The following SUPT5H variants were observed in gnomAD, a reference collection of about 807,000 sequenced individuals.
SUPT5H encodes SPT5 homolog, DSIF elongation factor subunit.
A neutral mutation model predicts 142.5 loss-of-function variants in SUPT5H; 24 were observed. That is an observed-to-expected ratio of 0.17 (90% CI 0.12 to 0.24). The LOEUF (loss-of-function observed/expected upper bound fraction) is 0.24. SUPT5H is among the 10% of genes least tolerant of loss of function. The pLI, the probability that SUPT5H is intolerant of heterozygous loss-of-function variation, is 1.00. For synonymous variants in SUPT5H, 546 were observed against 553.0 expected (o/e 0.99, Z 0.18); for missense variants, 893 against 1,471.8 (o/e 0.61, Z 6.43).
Position 39,474,260 on chromosome 19 carries a change from A to T in SUPT5H, c.2678A>T (p.Tyr893Phe), listed in dbSNP as rs780846637. The change falls in exon 27 of 30, where the codon TAT becomes TTT. Residue 893 changes from tyrosine to phenylalanine, a missense_variant. By Grantham distance (22) the Tyr-to-Phe change is conservative. Around this residue, in one of 6 missense-constraint regions of SUPT5H, gnomAD observed 336 missense variants for 546.5 expected, o/e 0.61. Transcript: ENST00000432763. This position sits in a 1 kb window ranked among gnomAD's most constrained non-coding sequence, Gnocchi z 6.5. ...AMYNTDQFSPYAAPSPQGSYQ... is the reference protein window; with the variant it reads ...AMYNTDQFSPFAAPSPQGSYQ... ...TACAACACAGACCAGTTCTCTCCCTATGCTGCCCCCTCCCCACAAGGTTCC... is the reference window on the plus strand; with the variant it reads ...TACAACACAGACCAGTTCTCTCCCTTTGCTGCCCCCTCCCCACAAGGTTCC... The T allele has an allele frequency of 1.2e-6, 2 of 1,613,492 alleles. No individual in the cohort carries two copies. Among genetic ancestry groups the T allele is most frequent in the Non-Finnish European group, 1.7e-6 (2 of 1,179,826 alleles).
intron 3 of SUPT5H, among the ~76,000 whole-genome samples, chr19:39,457,135 T>A (rs1384664439): frequency 6.6e-6 from 1 of 152,138 alleles, no homozygotes; most frequent in African/African-American, 2.4e-5. Context: ...CCCAGCTGAG[T>A]CTGTGGGCAA....
At chr19:39,463,718 GT>G (rs1386853430) in intron 10 of SUPT5H, among the ~76,000 whole-genome samples, 1 of 152,144 alleles carries the variant, frequency 6.6e-6, no homozygotes. Flanking sequence ...TTGATCTTGG[GT>G]CTAGCTCTAT....
chr19:39,455,925 C>CTTT (rs34762912), intron 3 of SUPT5H, among the ~76,000 whole-genome samples: 11 of 91,138 alleles, frequency 1.2e-4, no homozygotes, highest in Admixed American at 2.6e-4. Flanking sequence ...CCCGCCTCTT[C>CTTT]TTTTTTTTTT....
chr19:39,468,953 C>T, intron 14 of SUPT5H, 92 bp downstream of exon 14: 1 of 1,549,068 alleles, frequency 6.5e-7, no homozygotes, highest in Non-Finnish European at 8.9e-7. Context: ...GGTTCTGTCC[C>T]ACTCCTCAAG....
At chr19:39,461,563 C>T (rs970845949) in intron 10 of SUPT5H, among the ~76,000 whole-genome samples, 1 of 152,140 alleles carries the variant, frequency 6.6e-6, no homozygotes, top group African/African-American at 2.4e-5. Context: ...TGGCTCACGC[C>T]TGTAATCCCA....
Position 39,476,574 on chromosome 19 carries a change from A to G in SUPT5H, c.*175A>G. On this transcript the variant is annotated 3_prime_UTR_variant, in exon 30 of 30. Transcript: ENST00000432763. ...CCCTGGTGCTCATTGGAATCTGAGT[A>G]GAGTCTGGGGGAGGGTCCCCACCTT... is the stretch of plus-strand genomic sequence containing the variant. 1 of 846,152 alleles carries G rather than the reference A, an allele frequency of 1.2e-6. No homozygotes were observed. Among genetic ancestry groups the G allele is most frequent in the South Asian group, 1.8e-5 (1 of 55,118 alleles). 52.4% of individuals were successfully genotyped at this position (846,152 alleles called of 1,614,324 possible).
At position 39,462,432 on chromosome 19, in the gene SUPT5H, A is replaced by G. The variant is rs184035947; in HGVS notation, c.625-2366A>G. ...ACTATTGGAACTCTGAATGGTTCAT[A>G]CAAAGGGAATCATACAATATGTCGC... On this transcript the variant is annotated intron_variant, in intron 10 of 29. Coordinates refer to ENST00000432763, the MANE Select transcript of SUPT5H (RefSeq NM_001111020.3). 2.7e-3 allele frequency among the ~76,000 whole-genome samples: 411 copies of G among 152,302 alleles called. 1 individual carries two copies. The highest frequency in any genetic ancestry group is 4.5e-3 in the Non-Finnish European group (304 of 68,024).
rs201684544 is a variant in SUPT5H, at chr19:39,474,050, T to A, written c.2580T>A (p.Pro860=). The part of the protein sequence containing the change: ...AYGGTPNPQT[P]GYPDPSSPQV... ...GGGGAACCCCCAATCCCCAAACACC[T>A]GGCTACCCAGACCCCTCGTCCCCAC... Residue 860 remains proline, a synonymous_variant, in exon 26 of 30, where the codon CCT becomes CCA. Coordinates refer to ENST00000432763, the MANE Select transcript of SUPT5H (RefSeq NM_001111020.3). The surrounding 1 kb of genome is among the most constrained non-coding windows in gnomAD (Gnocchi z 6.5). 1.2e-6 allele frequency: 2 copies of A among 1,611,896 alleles called. No homozygotes were observed. Among genetic ancestry groups the A allele is most frequent in the Non-Finnish European group, 1.7e-6 (2 of 1,178,844 alleles).
chr19:39,452,839 C>T (rs1015822960), intron 2 of SUPT5H, among the ~76,000 whole-genome samples: 7 of 151,902 alleles, frequency 4.6e-5, no homozygotes, highest in Non-Finnish European at 7.4e-5. Flanking sequence ...GGTGAAGCCA[C>T]GTGTCTACTA....
rs766297183 is a variant in SUPT5H at position 39,464,881 on chromosome 19, G to A, written c.708G>A (p.Lys236=). Residue 236 remains lysine (K), a synonymous_variant, in exon 11 of 30, where the codon AAG becomes AAA. Coordinates refer to ENST00000432763, the MANE Select transcript of SUPT5H (RefSeq NM_001111020.3). ...AGGCCTACAAGCAGACCCACGTGAA[G>A]CAGGCCATTGAGGGGGTGGGCAACC... ...YVEAYKQTHV[K]QAIEGVGNLR... 5 of 1,614,198 alleles carry A rather than the reference G, an allele frequency of 3.1e-6. No homozygotes were observed. In the Admixed American group the frequency reaches 8.3e-5, roughly 27 times the overall value.
chr19:39,458,972 C>G lies in SUPT5H; in HGVS notation c.390-33C>G. ...CAGCCCACCTGCTGTCCTCAACCTT[C>G]AATTCGTGTTTGCTTCCCCACTCGT... is the stretch of plus-strand genomic sequence containing the variant. On this transcript the variant is annotated intron_variant, in intron 6 of 29. Transcript: ENST00000432763. This position sits in a 1 kb window ranked among gnomAD's most constrained non-coding sequence, Gnocchi z 4.2. 1.9e-6 allele frequency: 3 copies of G among 1,614,092 alleles called. No homozygotes were observed. Among genetic ancestry groups the G allele is most frequent in the Non-Finnish European group, 2.5e-6 (3 of 1,180,012 alleles).
At chr19:39,447,758 TGTTGAACA>T (rs2078971771) in intron 2 of SUPT5H, among the ~76,000 whole-genome samples, 1 of 152,214 alleles carries the variant, frequency 6.6e-6, no homozygotes, top group Admixed American at 6.5e-5. Context: ...TTTATTTGTT[TGTTGAACA>T]AATCAGTGTT....
Position 39,474,858 on chromosome 19 carries a change from T to C in SUPT5H, c.3024+140T>C. ...AGGAAGCCTAGAGGGCAAGGGGAGC[T>C]ATGTGAACCCAAAGGAGGCATCTTA... On this transcript the variant is annotated intron_variant, in intron 28 of 29. Transcript: ENST00000432763. This position sits in a 1 kb window ranked among gnomAD's most constrained non-coding sequence, Gnocchi z 6.5. 3 of 933,758 alleles carry C rather than the reference T, an allele frequency of 3.2e-6. No individual in the cohort carries two copies. Among genetic ancestry groups the C allele is most frequent in the Non-Finnish European group, 3.2e-6 (2 of 624,448 alleles). 57.8% of individuals were successfully genotyped at this position (933,758 alleles called of 1,614,324 possible).
In SUPT5H at chr19:39,473,985, G is replaced by A; in HGVS notation, c.2515G>A (p.Ala839Thr). ...CAGGGCTGAGGAAGAATATGAGTATGCTTTCGATGATGAGCCCACCCCGTC... is the reference window on the plus strand; with the variant it reads ...CAGGGCTGAGGAAGAATATGAGTATACTTTCGATGATGAGCCCACCCCGTC... The part of the protein sequence containing the change: ...PSRAEEEYEY[A>T]FDDEPTPSPQ... Residue 839 changes from alanine to threonine, a missense_variant, in exon 26 of 30, where the codon GCT becomes ACT. This residue lies in a region of SUPT5H where 336 missense variants were observed against 546.5 expected (regional missense o/e 0.61). Transcript: ENST00000432763. The surrounding 1 kb of genome is among the most constrained non-coding windows in gnomAD (Gnocchi z 5.8). The A allele has an allele frequency of 1.2e-6, 2 of 1,613,912 alleles. No individual in the cohort carries two copies. Among genetic ancestry groups the A allele is most frequent in the Non-Finnish European group, 1.7e-6 (2 of 1,179,974 alleles).
chr19:39,469,258 G>A lies in SUPT5H; in HGVS notation c.1238-4G>A, dbSNP rs376211934. 9.5e-5 allele frequency: 153 copies of A among 1,614,102 alleles called. No homozygotes were observed. The highest frequency in any genetic ancestry group is 5.3e-4 in the Admixed American group (32 of 60,004). On this transcript the variant is annotated splice_polypyrimidine_tract_variant and splice_region_variant and intron_variant, in intron 15 of 29. Transcript: ENST00000432763. This position sits in a 1 kb window ranked among gnomAD's most constrained non-coding sequence, Gnocchi z 5.1. ...CCGAGTCAGCCCTACGACTGCCCCT[G>A]CAGGGAAGGAGCGGGAGCACAACTT...
chr19:39,462,528 A>AT (rs1040083180), intron 10 of SUPT5H, among the ~76,000 whole-genome samples: 68 of 150,940 alleles, frequency 4.5e-4, no homozygotes, highest in African/African-American at 7.3e-4. Context: ...TCAAGACTTC[A>AT]TTTTTTTGTT....
Position 39,469,040 on chromosome 19 carries a change from G to A in SUPT5H, c.1144-39G>A, listed in dbSNP as rs946825707. On this transcript the variant is annotated intron_variant, in intron 14 of 29. Coordinates refer to ENST00000432763, the MANE Select transcript of SUPT5H (RefSeq NM_001111020.3). This position sits in a 1 kb window ranked among gnomAD's most constrained non-coding sequence, Gnocchi z 5.1. The stretch of plus-strand genomic sequence containing the variant: ...CAGCTGGGCTGTTGCACTGACCTCG[G>A]TCCATTTCCTTCTCTTCCCCTCACC... The A allele has an allele frequency of 6.2e-7, 1 of 1,612,448 alleles. No individual in the cohort carries two copies.
chr19:39,460,023 G>T (rs2079141326), intron 10 of SUPT5H, 63 bp downstream of exon 10: 1 of 1,559,070 alleles, frequency 6.4e-7, no homozygotes, highest in Admixed American at 1.7e-5. Context: ...GAAGAACATT[G>T]TCAACTTCAG....
chr19:39,466,512 C>T lies in SUPT5H; in HGVS notation c.909C>T (p.Ile303=), dbSNP rs779380491. The T allele has an allele frequency of 6.2e-7, 1 of 1,614,162 alleles. No homozygotes were observed. Among genetic ancestry groups the T allele is most frequent in the South Asian group, 1.1e-5 (1 of 91,082 alleles). ...ACGTGGAGCCCAGCCAGAACACCATCTCCCTGAAGATGATCCCACGCATCG... is the reference window on the plus strand; with the variant it reads ...ACGTGGAGCCCAGCCAGAACACCATTTCCCTGAAGATGATCCCACGCATCG... ...VDYVEPSQNT[I]SLKMIPRIDY... Residue 303 remains isoleucine, a synonymous_variant, in exon 12 of 30, where the codon ATC becomes ATT. Transcript: ENST00000432763. This position sits in a 1 kb window ranked among gnomAD's most constrained non-coding sequence, Gnocchi z 4.3.
Sources: gnomAD v4.1 joint callset for allele counts (sites outside exome capture counted in the v4.1 genomes callset) on GRCh38, gnomAD v4.1.1 for gene constraint, gnomAD v4.1.1 regional missense constraint, Gnocchi (gnomAD v3.1) non-coding constraint, MANE v1.5 for transcripts, NCBI Gene and HGNC (gene_info 2026-07-23, HGNC 2026-07-21) for gene names.